SLC45A3: variants seen among roughly 807,000 people sequenced by gnomAD.
SLC45A3 encodes solute carrier family 45 member 3.
A neutral mutation model predicts 35.3 loss-of-function variants in SLC45A3; 17 were observed. The observed-to-expected ratio is 0.48, with a 90% CI of 0.33 to 0.72. SLC45A3 has a LOEUF of 0.72. Among genes scored for constraint, SLC45A3 ranks in the 30% least tolerant of loss-of-function variants. The pLI is 0.02. For missense variants in SLC45A3, 597 were observed against 731.7 expected (o/e 0.82, Z 2.12); for synonymous variants, 288 against 334.3 (o/e 0.86, Z 1.51).
intron 1 of SLC45A3, among the ~76,000 whole-genome samples, chr1:205,670,094 G>T (rs1432974826): frequency 6.6e-6 from 1 of 151,326 alleles, no homozygotes; most frequent in African/African-American, 2.4e-5. Flanking sequence ...CACACTGACT[G>T]CACTCCCCAC....
At chr1:205,675,904 C>T (rs1571544427) in intron 1 of SLC45A3, among the ~76,000 whole-genome samples, 2 of 152,138 alleles carry the variant, frequency 1.3e-5, no homozygotes, top group Admixed American at 6.6e-5. Context: ...ACGCTGCCCA[C>T]GGTCCTCAGG....
rs1439495671 is a variant in SLC45A3, at chr1:205,662,130, C to T, written c.959-4G>A. 1.2e-6 allele frequency: 2 copies of T among 1,610,066 alleles called. No homozygotes were observed. Among genetic ancestry groups the T allele is most frequent in the African/African-American group, 2.7e-5 (2 of 74,874 alleles). ...CCCAGGCTGCCCATCCGAACGCCTG[C>T]AGAGGGAGAGGGGCCATCAGACAGA... On this transcript the variant is annotated splice_region_variant and splice_polypyrimidine_tract_variant and intron_variant, in intron 3 of 4. Transcript: ENST00000367145. This position sits in a 1 kb window ranked among gnomAD's most constrained non-coding sequence, Gnocchi z 6.2.
chr1:205,664,426 T>A lies in SLC45A3; in HGVS notation c.172+59A>T, dbSNP rs1671084150. 6.3e-7 allele frequency: 1 copy of A among 1,590,684 alleles called. No individual in the cohort carries two copies. The highest frequency in any genetic ancestry group is 8.6e-7 in the Non-Finnish European group (1 of 1,164,260). On this transcript the variant is annotated intron_variant, in intron 2 of 4. Transcript: ENST00000367145. This position sits in a 1 kb window ranked among gnomAD's most constrained non-coding sequence, Gnocchi z 5.3. ...AGCTCCCAGGGCAGAGGTACTCCTG[T>A]CCCACATGCCAGGTGGCATGTATCT...
At chr1:205,670,768 C>T (rs989862328) in intron 1 of SLC45A3, among the ~76,000 whole-genome samples, 11 of 152,326 alleles carry the variant, frequency 7.2e-5, no homozygotes, top group Admixed American at 3.9e-4. Context: ...CGGCTGCCAG[C>T]GCCGGCCCCT....
chr1:205,659,489 G>T lies in SLC45A3; in HGVS notation c.1407C>A (p.Ser469=). ...TGGGCTCACCCACCACCACACGTAC[G>T]GAGACATCACAGGCAGAGGCCCCGC... ...ALCGASACDV[S]VRVVVGEPTE... Residue 469 remains serine, a synonymous_variant, in exon 5 of 5, where the codon TCC becomes TCA. Coordinates refer to ENST00000367145, the MANE Select transcript of SLC45A3 (RefSeq NM_033102.3). The surrounding 1 kb of genome is among the most constrained non-coding windows in gnomAD (Gnocchi z 5.8). 1.2e-6 allele frequency: 2 copies of T among 1,613,870 alleles called. No homozygotes were observed. Among genetic ancestry groups the T allele is most frequent in the South Asian group, 2.2e-5 (2 of 91,050 alleles).
In SLC45A3 at chr1:205,666,471, G is replaced by A. The variant is rs150643892; in HGVS notation, c.-230-1585C>T. On this transcript the variant is annotated intron_variant, in intron 1 of 4. Coordinates refer to ENST00000367145, the MANE Select transcript of SLC45A3 (RefSeq NM_033102.3). This position sits in a 1 kb window ranked among gnomAD's most constrained non-coding sequence, Gnocchi z 4.1. The stretch of plus-strand genomic sequence containing the variant: ...TGCAGCGCGCAGTGATTGGACCACT[G>A]CCTCCAGTCTGGGTGACAGAGGGAG... 4.6e-3 allele frequency among the ~76,000 whole-genome samples: 702 copies of A among 152,342 alleles called. 3 individuals carry two copies. Among genetic ancestry groups the A allele is most frequent in the African/African-American group, 0.016 (667 of 41,580 alleles).
chr1:205,660,578 G>A (rs1671001873), intron 4 of SLC45A3, among the ~76,000 whole-genome samples: 1 of 152,148 alleles, frequency 6.6e-6, no homozygotes, highest in Non-Finnish European at 1.5e-5. Context: ...CAGACAGCGT[G>A]CAGTGCCAAG....
In SLC45A3 at chr1:205,659,662, G is replaced by A. The variant is rs1364914594; in HGVS notation, c.1234C>T (p.Pro412Ser). Residue 412 changes from proline (P) to serine (S), a missense_variant, in exon 5 of 5, where the codon CCC (proline) becomes TCC (serine). Pro to Ser is a moderately conservative substitution (Grantham distance 74). This residue lies in a region of SLC45A3 where 555 missense variants were observed against 664.9 expected (regional missense o/e 0.83). Transcript: ENST00000367145. The surrounding 1 kb of genome is among the most constrained non-coding windows in gnomAD (Gnocchi z 5.8). ...LYHREKQVFLPKYRGDTGGAS... is the reference protein window; with the variant it reads ...LYHREKQVFLSKYRGDTGGAS... ...CCTCCAGTGTCCCCTCGGTATTTGG[G>A]CAGGAACACCTAAGGCAGAGGGGTG... The A allele has an allele frequency of 3.3e-6, 5 of 1,526,398 alleles. No homozygotes were observed. Among genetic ancestry groups the A allele is most frequent in the East Asian group, 2.3e-5 (1 of 44,200 alleles). The allele number at this position is 1,526,398 out of a possible 1,614,324, so 94.6% of individuals were successfully genotyped here.
intron 1 of SLC45A3, among the ~76,000 whole-genome samples, chr1:205,671,383 C>T (rs1671212145): frequency 6.6e-6 from 1 of 152,234 alleles, no homozygotes; most frequent in Non-Finnish European, 1.5e-5. Context: ...ACCTGGAGCT[C>T]TCTTCCACCC....
rs1303721815 is a variant in SLC45A3 at position 205,666,116 on chromosome 1, G to A, written c.-230-1230C>T. 6.6e-6 allele frequency among the ~76,000 whole-genome samples: 1 copy of A among 152,096 alleles called. No homozygotes were observed. The highest frequency in any genetic ancestry group is 6.5e-5 in the Admixed American group (1 of 15,278). Reference sequence around the variant, plus strand: ...CCAATCTCAGCACCTCATTATAAAAGGCATTTCAACTTATCTTATCTTTTC... The same window carrying A: ...CCAATCTCAGCACCTCATTATAAAAAGCATTTCAACTTATCTTATCTTTTC... On this transcript the variant is annotated intron_variant, in intron 1 of 4. Transcript: ENST00000367145. The surrounding 1 kb of genome is among the most constrained non-coding windows in gnomAD (Gnocchi z 4.1).
chr1:205,677,088 T>C (rs1296904492), intron 1 of SLC45A3, among the ~76,000 whole-genome samples: 1 of 152,176 alleles, frequency 6.6e-6, no homozygotes, highest in Non-Finnish European at 1.5e-5. Context: ...CAAATAACTG[T>C]TTGCATAGAA....
At chr1:205,674,584 C>T (rs532892853) in intron 1 of SLC45A3, among the ~76,000 whole-genome samples, 1 of 119,562 alleles carries the variant, frequency 8.4e-6, no homozygotes, top group Admixed American at 9.9e-5. Context: ...GAGATGCCAT[C>T]CAAAATTGAT....
In SLC45A3 at chr1:205,659,406, C is replaced by A. The variant is rs1443927572; in HGVS notation, c.1490G>T (p.Ser497Ile). The A allele has an allele frequency of 2.3e-5, 37 of 1,614,084 alleles. No individual in the cohort carries two copies. The highest frequency in any genetic ancestry group is 3.1e-5 in the Non-Finnish European group (36 of 1,180,050). ...GICLDLAILD[S>I]AFLLSQVAPS... Reference sequence around the variant, plus strand: ...GGCCACCTGGGACAGCAGGAAGGCACTATCCAGGATGGCGAGGTCCAGGCA... The same window carrying A: ...GGCCACCTGGGACAGCAGGAAGGCAATATCCAGGATGGCGAGGTCCAGGCA... Residue 497 changes from serine to isoleucine, a missense_variant, in exon 5 of 5, where the codon AGT (serine) becomes ATT (isoleucine). By Grantham distance (142) the Ser-to-Ile change is moderately radical (BLOSUM62 -2). This residue lies in a region of SLC45A3 where 555 missense variants were observed against 664.9 expected (regional missense o/e 0.83). Transcript: ENST00000367145. The surrounding 1 kb of genome is among the most constrained non-coding windows in gnomAD (Gnocchi z 5.8).
In SLC45A3 at chr1:205,662,892, A is replaced by G; in HGVS notation, c.899T>C (p.Leu300Pro). ...LFYTDFVGEG[L>P]YQGVPRAEPG... Reference sequence around the variant, plus strand: ...CTCAGCTCTGGGCACGCCCTGGTACAGCCCCTCGCCCACGAAATCCGTGTA... The same window carrying G: ...CTCAGCTCTGGGCACGCCCTGGTACGGCCCCTCGCCCACGAAATCCGTGTA... Residue 300 changes from leucine (L) to proline (P), a missense_variant, in exon 3 of 5, where the codon CTG becomes CCG. Leu to Pro is a moderately conservative substitution (Grantham distance 98). Coordinates refer to ENST00000367145, the MANE Select transcript of SLC45A3 (RefSeq NM_033102.3). This position sits in a 1 kb window ranked among gnomAD's most constrained non-coding sequence, Gnocchi z 6.2. 2 of 1,612,508 alleles carry G rather than the reference A, an allele frequency of 1.2e-6. No homozygotes were observed. The highest frequency in any genetic ancestry group is 1.7e-6 in the Non-Finnish European group (2 of 1,179,670).
intron 1 of SLC45A3, among the ~76,000 whole-genome samples, 190 bp from the exon 2 acceptor site, chr1:205,665,076 T>G (rs1671097608): frequency 6.6e-6 from 1 of 152,202 alleles, no homozygotes; most frequent in Non-Finnish European, 1.5e-5. Flanking sequence ...ACATAATTAA[T>G]AAGGTAAATA....
chr1:205,663,659 G>C, intron 2 of SLC45A3, 41 bp from the exon 3 acceptor site: 1 of 1,517,826 alleles, frequency 6.6e-7, no homozygotes, highest in Non-Finnish European at 8.8e-7. Flanking sequence ...GCTGGGACAA[G>C]TAAAGGGCAA....
In SLC45A3 at chr1:205,669,037, C is replaced by T. The variant is rs553074736; in HGVS notation, c.-230-4151G>A. 1.2e-4 allele frequency among the ~76,000 whole-genome samples: 19 copies of T among 152,256 alleles called. No homozygotes were observed. The South Asian group carries it at 3.9e-3, about 32-fold the overall frequency. The stretch of plus-strand genomic sequence containing the variant: ...CCCCCAGGGCTGGCTCCCACCCCAG[C>T]AAGAAAAGGGGCCGGGAAATGTTTA... On this transcript the variant is annotated intron_variant, in intron 1 of 4. Coordinates refer to ENST00000367145, the MANE Select transcript of SLC45A3 (RefSeq NM_033102.3). The surrounding 1 kb of genome is among the most constrained non-coding windows in gnomAD (Gnocchi z 4.1).
Position 205,659,069 on chromosome 1 carries a change from G to T in SLC45A3, c.*165C>A. On this transcript the variant is annotated 3_prime_UTR_variant, in exon 5 of 5. Transcript: ENST00000367145. This position sits in a 1 kb window ranked among gnomAD's most constrained non-coding sequence, Gnocchi z 5.8. ...GAGGAGAGGGACGCCCCAGCCCCCA[G>T]CTGTGCAGCTACGCACCTCAGCAGC... 1 of 701,264 alleles carries T rather than the reference G, an allele frequency of 1.4e-6. No individual in the cohort carries two copies. The highest frequency in any genetic ancestry group is 2.3e-6 in the Non-Finnish European group (1 of 427,722). The allele number at this position is 701,264 out of a possible 1,614,324, so 43.4% of individuals were successfully genotyped here.
Position 205,659,965 on chromosome 1 carries a change from C to T in SLC45A3, c.1225-294G>A, listed in dbSNP as rs1670990083. ...GGCAGACAAACTCAATATCACAGAT[C>T]AGAGAGAACAGAGCTCCAAGGTAAG... On this transcript the variant is annotated intron_variant, in intron 4 of 4. Coordinates refer to ENST00000367145, the MANE Select transcript of SLC45A3 (RefSeq NM_033102.3). This position sits in a 1 kb window ranked among gnomAD's most constrained non-coding sequence, Gnocchi z 5.8. 6.6e-6 allele frequency among the ~76,000 whole-genome samples: 1 copy of T among 152,122 alleles called. No individual in the cohort carries two copies. Among genetic ancestry groups the T allele is most frequent in the Non-Finnish European group, 1.5e-5 (1 of 68,028 alleles).
Sources: gnomAD v4.1 joint callset for allele counts (sites outside exome capture counted in the v4.1 genomes callset) on GRCh38, gnomAD v4.1.1 for gene constraint, gnomAD v4.1.1 regional missense constraint, Gnocchi (gnomAD v3.1) non-coding constraint, MANE v1.5 for transcripts, NCBI Gene and HGNC (gene_info 2026-07-23, HGNC 2026-07-21) for gene names.